BMP8B: variants seen among roughly 807,000 people sequenced by gnomAD.
BMP8B encodes bone morphogenetic protein 8 (osteogenic protein 2).
A neutral mutation model predicts 30.3 loss-of-function variants in BMP8B; 17 were observed. That is an observed-to-expected ratio of 0.56 (90% CI 0.38 to 0.84). BMP8B has a LOEUF of 0.84. Ranked by LOEUF, BMP8B falls within the 40% of genes least tolerant of loss-of-function variation. BMP8B has a pLI of 0.00. For missense variants in BMP8B, 253 were observed against 494.6 expected (o/e 0.51, Z 4.63); for synonymous variants, 131 against 214.7 (o/e 0.61, Z 3.41).
intron 6 of BMP8B, chr1:39,761,393 C>T (rs1256750351): frequency 2.6e-5 from 4 of 152,970 alleles, no homozygotes; most frequent in Admixed American, 2.6e-4. Context: ...GCAGCCTTCA[C>T]TCATCCCCTG....
chr1:39,779,978 T>C (rs920884909), intron 1 of BMP8B, among the ~76,000 whole-genome samples: 1 of 152,240 alleles, frequency 6.6e-6, no homozygotes, highest in Non-Finnish European at 1.5e-5. Context: ...AAGACTTAGC[T>C]GGGGCTGACG....
At chr1:39,778,944 C>G (rs1442391935) in intron 1 of BMP8B, among the ~76,000 whole-genome samples, 1 of 152,040 alleles carries the variant, frequency 6.6e-6, no homozygotes, top group South Asian at 2.1e-4. Flanking sequence ...TTTGGTCAGA[C>G]CTGGAAAGGC....
intron 4 of BMP8B, among the ~76,000 whole-genome samples, chr1:39,764,339 A>G (rs1649437723): frequency 6.6e-6 from 1 of 151,206 alleles, no homozygotes; most frequent in South Asian, 2.1e-4. Context: ...TGCGGCTCCC[A>G]GGGAAGGGGC....
chr1:39,782,012 C>T (rs1156371021), intron 1 of BMP8B, among the ~76,000 whole-genome samples: 2 of 151,874 alleles, frequency 1.3e-5, no homozygotes, highest in Admixed American at 1.3e-4. Flanking sequence ...CAAAATTAGC[C>T]GTGCGTGGTG....
At chr1:39,764,037 G>A (rs1427214097) in intron 4 of BMP8B, 2 of 510,338 alleles carry the variant, frequency 3.9e-6, no homozygotes, top group East Asian at 6.6e-5. Context: ...TTCAGCCTAT[G>A]AGCATCTTTA....
intron 1 of BMP8B, among the ~76,000 whole-genome samples, chr1:39,787,042 G>A (rs1361513995): frequency 6.6e-6 from 1 of 152,248 alleles, no homozygotes; most frequent in Non-Finnish European, 1.5e-5. Flanking sequence ...TTTGAGCCCT[G>A]GATGGACAGT....
At position 39,788,838 on chromosome 1, in the gene BMP8B, C is replaced by G. The variant is rs1294281066; in HGVS notation, c.-353G>C. On this transcript the variant is annotated 5_prime_UTR_variant, in exon 1 of 7. Coordinates refer to ENST00000372827, the MANE Select transcript of BMP8B (RefSeq NM_001720.5). The surrounding 1 kb of genome is among the most constrained non-coding windows in gnomAD (Gnocchi z 5.8). ...GCGATGGGCGAGCTCCTGCAGCCAC[C>G]CGCTTGGTGCGGTTCCCGCGAGTCC... The G allele has an allele frequency of 6.6e-6, 1 of 152,114 alleles. No homozygotes were observed. Among genetic ancestry groups the G allele is most frequent in the Non-Finnish European group, 1.5e-5 (1 of 68,226 alleles). The allele number at this position is 152,114 out of a possible 1,614,324, so 9.4% of individuals were successfully genotyped here. A position where few individuals can be genotyped will look rare whatever the true frequency, so the allele number is the denominator to read the frequency against.
intron 3 of BMP8B, chr1:39,770,575 G>T: frequency 3.1e-6 from 5 of 1,605,604 alleles, no homozygotes; most frequent in Non-Finnish European, 4.2e-6. Flanking sequence ...TGAAATTGCG[G>T]GCGCTTCTCC....
chr1:39,757,848 A>G lies in BMP8B; in HGVS notation c.*2571T>C, dbSNP rs1648455819. 6.6e-6 allele frequency: 1 copy of G among 152,160 alleles called. No homozygotes were observed. Among genetic ancestry groups the G allele is most frequent in the African/African-American group, 2.4e-5 (1 of 41,436 alleles). The allele number at this position is 152,160 out of a possible 1,614,324, so 9.4% of individuals were successfully genotyped here. On this transcript the variant is annotated 3_prime_UTR_variant, in exon 7 of 7. Transcript: ENST00000372827. Reference sequence around the variant, plus strand: ...TCACAATTGTTTCATTGCTCAAGGGATTTTTCTATTTTATTTCATTTGGTG... The same window carrying G: ...TCACAATTGTTTCATTGCTCAAGGGGTTTTTCTATTTTATTTCATTTGGTG...
At chr1:39,770,506 C>G (rs7542609) in intron 3 of BMP8B, 1 of 1,610,484 alleles carries the variant, frequency 6.2e-7, no homozygotes, top group East Asian at 2.3e-5. Flanking sequence ...AAGCCCCCAC[C>G]TCCACGATCT....
chr1:39,769,198 AAAAG>A lies in BMP8B; in HGVS notation c.674-4385_674-4382del, dbSNP rs1156389065. Among the ~76,000 whole-genome samples, 18 of 150,862 alleles carry A rather than the reference AAAAG, an allele frequency of 1.2e-4. 1 individual carries two copies. The highest frequency in any genetic ancestry group is 2.1e-4 in the Non-Finnish European group (14 of 67,832). On this transcript the variant is annotated intron_variant, in intron 3 of 6. Coordinates refer to ENST00000372827, the MANE Select transcript of BMP8B (RefSeq NM_001720.5). ...CCAGACCCTGCCTCAAAAAAAAGAA[AAAAG>A]AAAGAGAAGGAAAAAGAAAAAACAA...
chr1:39,760,655 C>A, intron 6 of BMP8B, 87 bp from the exon 7 acceptor site: 1 of 1,497,040 alleles, frequency 6.7e-7, no homozygotes, highest in South Asian at 1.3e-5. Context: ...TCCACCTGCT[C>A]CCTGCCCTGG....
At chr1:39,780,603 T>C (rs1253653511) in intron 1 of BMP8B, among the ~76,000 whole-genome samples, 1 of 152,190 alleles carries the variant, frequency 6.6e-6, no homozygotes, top group African/African-American at 2.4e-5. Flanking sequence ...TTCAAAAACA[T>C]GCAAGAGGCC....
chr1:39,787,438 A>T (rs1273437517), intron 1 of BMP8B, among the ~76,000 whole-genome samples: 2 of 152,202 alleles, frequency 1.3e-5, no homozygotes, highest in Non-Finnish European at 2.9e-5. Context: ...TTAGGGAATA[A>T]ATAGCTCCAG....
chr1:39,769,132 A>T lies in BMP8B; in HGVS notation c.674-4315T>A, dbSNP rs2124451427. ...AGCCCAGGAGGCAGAGGTTGCAGTGAGATCACTGCATTCCATTGCATTCCA... is the reference window on the plus strand; with the variant it reads ...AGCCCAGGAGGCAGAGGTTGCAGTGTGATCACTGCATTCCATTGCATTCCA... On this transcript the variant is annotated intron_variant, in intron 3 of 6. Coordinates refer to ENST00000372827, the MANE Select transcript of BMP8B (RefSeq NM_001720.5). Among the ~76,000 whole-genome samples, 2 of 150,170 alleles carry T rather than the reference A, an allele frequency of 1.3e-5. 1 individual carries two copies. The highest frequency in any genetic ancestry group is 4.0e-4 in the East Asian group (2 of 4,972).
chr1:39,760,854 A>T (rs936439753), intron 6 of BMP8B, among the ~76,000 whole-genome samples: 4 of 152,140 alleles, frequency 2.6e-5, no homozygotes, highest in African/African-American at 9.7e-5. Context: ...AAGGGCTCAG[A>T]CTTCCTCCTG....
At position 39,788,186 on chromosome 1, in the gene BMP8B, G is replaced by T; in HGVS notation, c.300C>A (p.Gly100=). 1 of 1,575,118 alleles carries T rather than the reference G, an allele frequency of 6.3e-7. No homozygotes were observed. The highest frequency in any genetic ancestry group is 8.5e-7 in the Non-Finnish European group (1 of 1,169,990). Residue 100 remains glycine, a synonymous_variant, in exon 1 of 7, where the codon GGC becomes GGA. Transcript: ENST00000372827. The surrounding 1 kb of genome is among the most constrained non-coding windows in gnomAD (Gnocchi z 5.8). ...CGAAGCTCATGACCAGGTCGGCGCG[G>T]CCCAGGCGCCGCTCCGCGGGCGCGC... ...EDGAPAERRL[G]RADLVMSFVN...
intron 3 of BMP8B, among the ~76,000 whole-genome samples, chr1:39,767,599 T>TG (rs1159804978): frequency 9.7e-6 from 1 of 102,596 alleles, no homozygotes; most frequent in Non-Finnish European, 2.2e-5. Flanking sequence ...GCAGTCAAGG[T>TG]GGGGGGCTCT....
chr1:39,767,158 C>T (rs1345691811), intron 3 of BMP8B, among the ~76,000 whole-genome samples: 1 of 152,084 alleles, frequency 6.6e-6, no homozygotes, highest in Non-Finnish European at 1.5e-5. Flanking sequence ...TCACAGAGCC[C>T]CTCTGAGCCA....
Sources: gnomAD v4.1 joint callset for allele counts (sites outside exome capture counted in the v4.1 genomes callset) on GRCh38, gnomAD v4.1.1 for gene constraint, Gnocchi (gnomAD v3.1) non-coding constraint, MANE v1.5 for transcripts, NCBI Gene and HGNC (gene_info 2026-07-23, HGNC 2026-07-21) for gene names.